UBXN7: variants seen among roughly 807,000 people sequenced by gnomAD.
The protein encoded by UBXN7 is UBX domain protein 7, also known as UBX domain-containing protein 7.
In UBXN7, 9 loss-of-function variants were observed where a neutral mutation model predicts 58.0. The ratio of observed to expected loss-of-function variants is 0.16; its 90% CI spans 0.09 to 0.27. The LOEUF is 0.27. Among genes scored for constraint, UBXN7 ranks in the 10% least tolerant of loss-of-function variants. The pLI is 1.00. For missense variants in UBXN7, 328 were observed against 599.6 expected, an observed-to-expected ratio of 0.55 and a Z score of 4.73; for synonymous variants, 208 against 205.0, an observed-to-expected ratio of 1.01 and a Z score of -0.12.
intron 8 of UBXN7, 52 bp from the exon 9 acceptor site, chr3:196,362,739 A>ACAAGT (rs1728538805): frequency 2.6e-6 from 4 of 1,541,042 alleles, no homozygotes; most frequent in Non-Finnish European, 3.5e-6. Flanking sequence ...AAACCAAAAA[A>ACAAGT]CAAGTCAAAC....
chr3:196,425,126 A>C (rs981521102), intron 1 of UBXN7, among the ~76,000 whole-genome samples: 3 of 152,112 alleles, frequency 2.0e-5, no homozygotes, highest in Admixed American at 1.3e-4. Context: ...AACTTATCCA[A>C]AACTGAGCTA....
chr3:196,407,128 CAG>C (rs2108616593), intron 2 of UBXN7, 116 bp downstream of exon 2: 1 of 1,398,472 alleles, frequency 7.2e-7, no homozygotes, highest in South Asian at 1.4e-5. Flanking sequence ...CATACTTTTT[CAG>C]AGGCTTTCAG....
At chr3:196,360,906 G>C (rs1408291300) in intron 10 of UBXN7, among the ~76,000 whole-genome samples, 3 of 152,128 alleles carry the variant, frequency 2.0e-5, no homozygotes, top group Non-Finnish European at 4.4e-5. Context: ...AGGAGGGTGA[G>C]GCAGGAGGAT....
chr3:196,429,435 T>C (rs777421109), intron 1 of UBXN7, among the ~76,000 whole-genome samples: 2 of 152,236 alleles, frequency 1.3e-5, no homozygotes, highest in African/African-American at 2.4e-5. Flanking sequence ...TTTTCCGTTC[T>C]ATTTCTAAAT....
chr3:196,362,568 A>T lies in UBXN7; in HGVS notation c.954T>A (p.Ser318=). 3 of 1,614,200 alleles carry T rather than the reference A, an allele frequency of 1.9e-6. No individual in the cohort carries two copies. The highest frequency in any genetic ancestry group is 2.5e-6 in the Non-Finnish European group (3 of 1,180,032). The change falls in exon 9 of 11, where the codon TCT becomes TCA. Residue 318 remains serine (S), a synonymous_variant. Coordinates refer to ENST00000296328, the MANE Select transcript of UBXN7 (RefSeq NM_015562.2). ...TKQDSRSDEE[S]ESELFSGSEE... The stretch of plus-strand genomic sequence containing the variant: ...CACTGCCAGAAAAAAGTTCAGATTC[A>T]GATTCTTCATCTGAGCGGCTATCCT...
At chr3:196,401,344 CAAAAAAT>C (rs1560235482) in intron 3 of UBXN7, among the ~76,000 whole-genome samples, 1 of 111,610 alleles carries the variant, frequency 9.0e-6, no homozygotes, top group African/African-American at 3.4e-5. Flanking sequence ...CACATATATA[CAAAAAAT>C]AAAAATTAAA....
At position 196,354,655 on chromosome 3, in the gene UBXN7, G is replaced by C. The variant is rs1728297405; in HGVS notation, c.*2030C>G. 1 of 152,122 alleles carries C rather than the reference G, an allele frequency of 6.6e-6. No individual in the cohort carries two copies. Among genetic ancestry groups the C allele is most frequent in the Non-Finnish European group, 1.5e-5 (1 of 68,028 alleles). The allele number at this position is 152,122 out of a possible 1,614,324, so 9.4% of individuals were successfully genotyped here. The stretch of plus-strand genomic sequence containing the variant: ...TACAGCTCTATTTTTCAAACGGCAA[G>C]TATGTTATCCAAGTTCAGAGATGCA... On this transcript the variant is annotated 3_prime_UTR_variant, in exon 11 of 11. Coordinates refer to ENST00000296328, the MANE Select transcript of UBXN7 (RefSeq NM_015562.2).
chr3:196,353,917 G>C lies in UBXN7; in HGVS notation c.*2768C>G, dbSNP rs1264481603. 6.6e-6 allele frequency: 1 copy of C among 151,568 alleles called. No individual in the cohort carries two copies. Among genetic ancestry groups the C allele is most frequent in the African/African-American group, 2.4e-5 (1 of 41,184 alleles). The allele number at this position is 151,568 out of a possible 1,614,324, so 9.4% of individuals were successfully genotyped here. A position where few individuals can be genotyped will look rare whatever the true frequency, so the allele number is the denominator to read the frequency against. On this transcript the variant is annotated 3_prime_UTR_variant, in exon 11 of 11. Coordinates refer to ENST00000296328, the MANE Select transcript of UBXN7 (RefSeq NM_015562.2). Reference sequence around the variant, plus strand: ...TTCAAGCTGTGTCCAACACCCACAAGGAATGACTATTTTTAACTAATCTTA... The same window carrying C: ...TTCAAGCTGTGTCCAACACCCACAACGAATGACTATTTTTAACTAATCTTA...
intron 2 of UBXN7, among the ~76,000 whole-genome samples, chr3:196,405,014 T>G (rs1351331450): frequency 6.6e-6 from 1 of 151,894 alleles, no homozygotes; most frequent in Non-Finnish European, 1.5e-5. Context: ...ATTAGTCAAG[T>G]GTGGTGGCAT....
intron 5 of UBXN7, among the ~76,000 whole-genome samples, chr3:196,375,004 G>GAGGAAGGAAGGA (rs1179864500): frequency 0.015 from 568 of 37,448 alleles, 21 homozygotes; most frequent in African/African-American, 0.034. Context: ...GGGAGGGAGG[G>GAGGAAGGAAGGA]AGGAAGGAAG....
chr3:196,356,940 A>G, intron 10 of UBXN7, 94 bp from the exon 11 acceptor site: 1 of 1,427,930 alleles, frequency 7.0e-7, no homozygotes. Context: ...TTTTAATCAT[A>G]TTAGATCAGC....
Position 196,395,947 on chromosome 3 carries a change from G to T in UBXN7, c.290-2328C>A, listed in dbSNP as rs1009563226. ...CGCCCAGCCAATTTTTGTATTTTTAGTAGGGAGGGGGTTTCACCATGTTGG... is the reference window on the plus strand; with the variant it reads ...CGCCCAGCCAATTTTTGTATTTTTATTAGGGAGGGGGTTTCACCATGTTGG... On this transcript the variant is annotated intron_variant, in intron 3 of 10. Transcript: ENST00000296328. Among the ~76,000 whole-genome samples, 5 of 152,022 alleles carry T rather than the reference G, an allele frequency of 3.3e-5. No homozygotes were observed. In the East Asian group the frequency reaches 5.8e-4, roughly 18 times the overall value.
intron 5 of UBXN7, among the ~76,000 whole-genome samples, chr3:196,382,115 A>G (rs1481632359): frequency 6.6e-6 from 1 of 152,186 alleles, no homozygotes; most frequent in Non-Finnish European, 1.5e-5. Context: ...GCAGGCCAAC[A>G]TTCAAATTCA....
At chr3:196,372,324 CTCCTTT>C (rs939557130) in intron 5 of UBXN7, among the ~76,000 whole-genome samples, 4 of 148,250 alleles carry the variant, frequency 2.7e-5, no homozygotes, top group African/African-American at 1.0e-4. Flanking sequence ...CTCTCTCTCT[CTCCTTT>C]CTTTCTTTCT....
chr3:196,377,363 T>TC (rs1214258670), intron 5 of UBXN7, among the ~76,000 whole-genome samples: 1 of 152,172 alleles, frequency 6.6e-6, no homozygotes, highest in African/African-American at 2.4e-5. Context: ...CCCTCAGACC[T>TC]CCCCATCGTT....
intron 1 of UBXN7, among the ~76,000 whole-genome samples, chr3:196,411,325 G>C (rs1730318496): frequency 6.6e-6 from 1 of 152,160 alleles, no homozygotes; most frequent in African/African-American, 2.4e-5. Context: ...CTAGAGAGAG[G>C]GAGTAGGCCT....
intron 3 of UBXN7, among the ~76,000 whole-genome samples, chr3:196,396,232 A>G (rs899959847): frequency 1.3e-5 from 2 of 150,428 alleles, no homozygotes; most frequent in African/African-American, 5.0e-5. Context: ...GGCCTCTAGC[A>G]GGAATAATAT....
chr3:196,431,623 A>C, intron 1 of UBXN7: 1 of 175,146 alleles, frequency 5.7e-6, no homozygotes, highest in Non-Finnish European at 1.3e-5. Context: ...TATTATGGGG[A>C]GGTGGGAAAC....
intron 5 of UBXN7, among the ~76,000 whole-genome samples, chr3:196,380,398 G>A (rs1339612355): frequency 1.3e-5 from 2 of 152,186 alleles, no homozygotes; most frequent in Admixed American, 1.3e-4. Flanking sequence ...CTAGGGGATG[G>A]CAGAACAAGA....
Sources: gnomAD v4.1 joint callset for allele counts (sites outside exome capture counted in the v4.1 genomes callset) on GRCh38, gnomAD v4.1.1 for gene constraint, MANE v1.5 for transcripts, NCBI Gene and HGNC (gene_info 2026-07-23, HGNC 2026-07-21) for gene names.